Variants in ARHGAP32 observed in about 807,000 individuals in gnomAD.
ARHGAP32 encodes the protein Rho GTPase activating protein 32.
A neutral mutation model predicts 186.5 loss-of-function variants in ARHGAP32; 51 were observed. That is an observed-to-expected ratio of 0.27 (90% CI 0.22 to 0.35). ARHGAP32 has a LOEUF of 0.35. ARHGAP32 is among the 10% of genes least tolerant of loss of function. The probability of loss-of-function intolerance (pLI) is 1.00; values close to 1 mark genes in which losing one functional copy is unlikely to be tolerated. For missense variants in ARHGAP32, 2,186 were observed against 2,623.5 expected, an observed-to-expected ratio of 0.83 and a Z score of 3.64; for synonymous variants, 950 against 964.3, an observed-to-expected ratio of 0.99 and a Z score of 0.27.
chr11:129,249,086 G>A (rs1340318427), intron 1 of ARHGAP32, among the ~76,000 whole-genome samples: 1 of 152,132 alleles, frequency 6.6e-6, no homozygotes, highest in Non-Finnish European at 1.5e-5. Context: ...CCATAAGACA[G>A]AGGATACATT....
chr11:129,082,082 T>A (rs1053649791), intron 6 of ARHGAP32, among the ~76,000 whole-genome samples: 1 of 151,878 alleles, frequency 6.6e-6, no homozygotes, highest in Admixed American at 6.6e-5. Flanking sequence ...AGAAAAACTA[T>A]AAAACACTGC....
In ARHGAP32 at chr11:129,119,922, G is replaced by A. The variant is rs941530263; in HGVS notation, c.444+3524C>T. ...AGGGGAAGAGAAGAAAGATGAGGTC[G>A]GAAAGGTAAGGGTACACTCTGTAAA... On this transcript the variant is annotated intron_variant, in intron 5 of 22. Transcript: ENST00000682385. 3.9e-5 allele frequency among the ~76,000 whole-genome samples: 6 copies of A among 151,990 alleles called. No individual in the cohort carries two copies. In the South Asian group the frequency reaches 8.3e-4, roughly 21 times the overall value.
intron 1 of ARHGAP32, among the ~76,000 whole-genome samples, chr11:129,240,896 G>A (rs1303147337): frequency 6.6e-6 from 1 of 152,156 alleles, no homozygotes; most frequent in African/African-American, 2.4e-5. Context: ...TTCAACAGAG[G>A]AAATAGAAAG....
At chr11:129,158,347 T>A in intron 2 of ARHGAP32, among the ~76,000 whole-genome samples, 1 of 138,300 alleles carries the variant, frequency 7.2e-6, no homozygotes, top group African/African-American at 2.7e-5. Flanking sequence ...CATGCGCACA[T>A]AGGCTCAAAA....
chr11:129,259,132 T>C (rs12293212), intron 1 of ARHGAP32, among the ~76,000 whole-genome samples: 45,012 of 152,078 alleles, frequency 0.3, 6,989 homozygotes, highest in Middle Eastern at 0.4. Flanking sequence ...TAATGGCAAA[T>C]TGGTACATTA....
chr11:128,987,157 C>G (rs775408260), intron 13 of ARHGAP32, among the ~76,000 whole-genome samples: 1 of 152,124 alleles, frequency 6.6e-6, no homozygotes, highest in South Asian at 2.1e-4. Context: ...TAGCTAACAA[C>G]AAATTTTAAT....
chr11:129,124,679 G>T, intron 3 of ARHGAP32, 124 bp downstream of exon 3: 1 of 625,512 alleles, frequency 1.6e-6, no homozygotes, highest in Non-Finnish European at 2.7e-6. Flanking sequence ...ATAATTTAAG[G>T]ATTAGCAGTT....
At chr11:128,986,777 G>C (rs1355525195) in intron 13 of ARHGAP32, 109 bp from the exon 14 acceptor site, 4 of 990,470 alleles carry the variant, frequency 4.0e-6, no homozygotes, top group Non-Finnish European at 4.4e-6. Context: ...ATCTCAGTGA[G>C]TTGCTATTAT....
intron 12 of ARHGAP32, among the ~76,000 whole-genome samples, chr11:128,988,835 T>C (rs1565359800): frequency 1.3e-5 from 2 of 152,208 alleles, no homozygotes; most frequent in Non-Finnish European, 1.5e-5. Context: ...GGGCATGCAG[T>C]ATAAAACAGA....
intron 1 of ARHGAP32, among the ~76,000 whole-genome samples, chr11:129,239,665 C>G (rs893150166): frequency 6.6e-6 from 1 of 152,058 alleles, no homozygotes; most frequent in Non-Finnish European, 1.5e-5. Flanking sequence ...CTCTAATGGA[C>G]CCCCTCACTT....
At chr11:129,227,980 G>T (rs978259214) in intron 1 of ARHGAP32, among the ~76,000 whole-genome samples, 1 of 152,022 alleles carries the variant, frequency 6.6e-6, no homozygotes, top group Non-Finnish European at 1.5e-5. Context: ...CATGTGGTAG[G>T]TCATAAAACC....
At chr11:128,976,404 A>G (rs1479982659) in intron 20 of ARHGAP32, among the ~76,000 whole-genome samples, 159 bp downstream of exon 20, 1 of 152,234 alleles carries the variant, frequency 6.6e-6, no homozygotes, top group Non-Finnish European at 1.5e-5. Context: ...GAAAGCATCA[A>G]TGAATTTTAA....
chr11:129,056,803 G>C (rs1447511708), intron 10 of ARHGAP32, among the ~76,000 whole-genome samples: 2 of 152,166 alleles, frequency 1.3e-5, no homozygotes, highest in Admixed American at 6.5e-5. Flanking sequence ...GCTTCAGAAA[G>C]TGTTGCAGCA....
In ARHGAP32 at chr11:128,970,710, A is replaced by G. The variant is rs1945342149; in HGVS notation, c.4503T>C (p.Gly1501=). The G allele has an allele frequency of 6.2e-7, 1 of 1,614,168 alleles. No homozygotes were observed. The part of the protein sequence containing the change: ...ARPDVTTEPF[G]PDNCLHFNMT... ...TATTGAAATGCAAACAGTTATCTGG[A>G]CCAAAGGGTTCAGTGGTGACATCGG... is the stretch of plus-strand genomic sequence containing the variant. Residue 1501 remains glycine, a synonymous_variant, in exon 23 of 23, where the codon GGT becomes GGC. Transcript: ENST00000682385. This position sits in a 1 kb window ranked among gnomAD's most constrained non-coding sequence, Gnocchi z 5.8.
In ARHGAP32 at chr11:128,966,420, A is replaced by G. The variant is rs1460791219; in HGVS notation, c.*2487T>C. The G allele has an allele frequency of 2.0e-5, 3 of 152,256 alleles. No homozygotes were observed. Among genetic ancestry groups the G allele is most frequent in the Non-Finnish European group, 4.4e-5 (3 of 68,046 alleles). The allele number at this position is 152,256 out of a possible 1,614,324, so 9.4% of individuals were successfully genotyped here. On this transcript the variant is annotated 3_prime_UTR_variant, in exon 23 of 23. Coordinates refer to ENST00000682385, the MANE Select transcript of ARHGAP32 (RefSeq NM_001378024.1). ...ACATTAGAAAGGGAAAGATGCCGGA[A>G]AAGTGTTTCAAATAACTGAATCCAA... is the stretch of plus-strand genomic sequence containing the variant.
At chr11:129,193,496 A>AT (rs1170492057), upstream of ARHGAP32, among the ~76,000 whole-genome samples, 274 of 94,872 alleles carry the variant, frequency 2.9e-3, 17 homozygotes, top group African/African-American at 7.4e-3. Context: ...AAAAAAAAAA[A>AT]AAAATATATA....
chr11:128,982,309 T>G (rs564016893), intron 15 of ARHGAP32, among the ~76,000 whole-genome samples: 1 of 152,332 alleles, frequency 6.6e-6, no homozygotes, highest in South Asian at 2.1e-4. Context: ...GATATGCTTT[T>G]GAAATAAAGA....
upstream of ARHGAP32, among the ~76,000 whole-genome samples, chr11:129,193,703 A>ATATATTATATAATATATATTATATAT (rs1565464994): frequency 1.0e-4 from 5 of 48,382 alleles, no homozygotes; most frequent in African/African-American, 4.0e-4. Context: ...ATAATATATA[A>ATATATTATATAATATATATTATATAT]TATATATTAT....
chr11:129,228,815 T>C (rs1944819295), intron 1 of ARHGAP32, among the ~76,000 whole-genome samples: 1 of 152,186 alleles, frequency 6.6e-6, no homozygotes, highest in African/African-American at 2.4e-5. Flanking sequence ...TACGTTTACC[T>C]ACATAACAAA....
Sources: gnomAD v4.1 joint callset for allele counts (sites outside exome capture counted in the v4.1 genomes callset) on GRCh38, gnomAD v4.1.1 for gene constraint, Gnocchi (gnomAD v3.1) non-coding constraint, MANE v1.5 for transcripts, NCBI Gene and HGNC (gene_info 2026-07-23, HGNC 2026-07-21) for gene names.